The following RPL19 variants were observed in gnomAD, a reference collection of about 807,000 sequenced individuals.
RPL19 encodes ribosomal protein L19.
In RPL19, 2 loss-of-function variants were observed where a neutral mutation model predicts 25.1. The observed-to-expected ratio is 0.08, with a 90% confidence interval of 0.03 to 0.25. RPL19 has a LOEUF of 0.25. Among genes scored for constraint, RPL19 ranks in the 10% least tolerant of loss-of-function variants. The pLI, the probability that RPL19 is intolerant of heterozygous loss-of-function variation, is 1.00. For missense variants in RPL19, 123 were observed against 271.8 expected (o/e 0.45, Z 3.85); for synonymous variants, 89 against 91.2 (o/e 0.98, Z 0.14).
At chr17:39,203,726 C>T (rs529763514) in intron 4 of RPL19, among the ~76,000 whole-genome samples, 187 of 152,038 alleles carry the variant, frequency 1.2e-3, no homozygotes, top group African/African-American at 4.3e-3. Context: ...AGGCTGGTCT[C>T]GAACTCCTGG....
At chr17:39,201,059 G>A in intron 1 of RPL19, 154 bp from the exon 2 acceptor site, 1 of 603,916 alleles carries the variant, frequency 1.7e-6, no homozygotes, top group Non-Finnish European at 2.9e-6. Context: ...AACCCAAGGG[G>A]GCCAGCTGCA....
chr17:39,202,531 G>T (rs2046298484), intron 3 of RPL19, 92 bp downstream of exon 3: 3 of 1,488,018 alleles, frequency 2.0e-6, no homozygotes, highest in Admixed American at 3.5e-5. Flanking sequence ...CTCATCTTGA[G>T]CCTGTTTCTT....
intron 3 of RPL19, chr17:39,202,744 T>TAA: frequency 4.5e-6 from 2 of 439,714 alleles, no homozygotes; most frequent in Non-Finnish European, 8.2e-6. Flanking sequence ...CACTGCCTGT[T>TAA]ACACCCACAT....
Position 39,200,309 on chromosome 17 carries a change from A to G in RPL19, c.-36A>G. 2.6e-6 allele frequency: 4 copies of G among 1,536,784 alleles called. No individual in the cohort carries two copies. Among genetic ancestry groups the G allele is most frequent in the Non-Finnish European group, 3.5e-6 (4 of 1,141,496 alleles). Reference sequence around the variant, plus strand: ...CAGATAATGGGAGGAGCCGGGCCCGAGCGAGCTCTTTCCTTTCGCTGCTGC... The same window carrying G: ...CAGATAATGGGAGGAGCCGGGCCCGGGCGAGCTCTTTCCTTTCGCTGCTGC... On this transcript the variant is annotated 5_prime_UTR_variant, in exon 1 of 6. Transcript: ENST00000225430.
Position 39,204,560 on chromosome 17 carries a change from A to G in RPL19, c.503A>G (p.Glu168Gly). 1 of 1,614,188 alleles carries G rather than the reference A, an allele frequency of 6.2e-7. No homozygotes were observed. Among genetic ancestry groups the G allele is most frequent in the Non-Finnish European group, 8.5e-7 (1 of 1,180,036 alleles). ...GAGGCCCGCAGGTCTAAGACCAAGG[A>G]AGCACGCAAGCGCCGTGAAGAGCGC... ...QAEARRSKTK[E>G]ARKRREERLQ... The change falls in exon 6 of 6, where the codon GAA becomes GGA. Residue 168 changes from glutamate to glycine, a missense_variant. Coordinates refer to ENST00000225430, the MANE Select transcript of RPL19 (RefSeq NM_000981.4).
intron 1 of RPL19, chr17:39,200,626 A>AC: frequency 8.3e-7 from 1 of 1,208,664 alleles, no homozygotes; most frequent in Non-Finnish European, 1.0e-6. Flanking sequence ...AACGGAGCGA[A>AC]CAAGACCAAG....
chr17:39,204,468 T>G, intron 5 of RPL19, 57 bp from the exon 6 acceptor site: 1 of 1,600,638 alleles, frequency 6.2e-7, no homozygotes, highest in Non-Finnish European at 8.5e-7. Context: ...TGTGCTTCTG[T>G]CTCCCTAGCA....
chr17:39,202,411 C>T lies in RPL19; in HGVS notation c.207C>T (p.Ala69=), dbSNP rs1471149123. Residue 69 remains alanine, a synonymous_variant, in exon 3 of 6, where the codon GCC becomes GCT. Coordinates refer to ENST00000225430, the MANE Select transcript of RPL19 (RefSeq NM_000981.4). ...SRARCRKNTL[A]RRKGRHMGIG... ...CTCGATGCCGGAAAAACACCTTGGC[C>T]CGCCGGAAGGGCAGGCACATGGGCA... The T allele has an allele frequency of 6.2e-7, 1 of 1,614,234 alleles. No homozygotes were observed. Among genetic ancestry groups the T allele is most frequent in the East Asian group, 2.2e-5 (1 of 44,888 alleles).
At chr17:39,204,432 T>C (rs1009797358) in intron 5 of RPL19, 93 bp from the exon 6 acceptor site, 3 of 1,483,858 alleles carry the variant, frequency 2.0e-6, no homozygotes, top group Non-Finnish European at 2.8e-6. Flanking sequence ...AGAAGCTGAC[T>C]AGGCTCAAAG....
At chr17:39,202,006 G>C (rs934391124) in intron 2 of RPL19, among the ~76,000 whole-genome samples, 4 of 152,172 alleles carry the variant, frequency 2.6e-5, no homozygotes, top group Non-Finnish European at 4.4e-5. Context: ...ATGGTGGCAG[G>C]CATCTTTAAT....
intron 1 of RPL19, chr17:39,200,846 A>G (rs2046281573): frequency 2.4e-6 from 2 of 833,126 alleles, no homozygotes; most frequent in African/African-American, 1.8e-5. Context: ...ACAGGGAAAT[A>G]AGCCCAGAAA....
In RPL19 at chr17:39,204,064, G is replaced by A. The variant is rs1032576064; in HGVS notation, c.357-13G>A. On this transcript the variant is annotated splice_polypyrimidine_tract_variant and intron_variant, in intron 4 of 5. Coordinates refer to ENST00000225430, the MANE Select transcript of RPL19 (RefSeq NM_000981.4). ...TCACCAACCAGCATCTCTTCACTCC[G>A]TGTACCCTGCAGGTATCACAGCCTG... 1.9e-5 allele frequency: 29 copies of A among 1,494,016 alleles called. No individual in the cohort carries two copies. The highest frequency in any genetic ancestry group is 1.7e-4 in the Middle Eastern group (1 of 5,832). The allele number at this position is 1,494,016 out of a possible 1,614,324, so 92.5% of individuals were successfully genotyped here.
At chr17:39,200,486 G>A (rs1168868817) in intron 1 of RPL19, 137 bp downstream of exon 1, 13 of 1,317,882 alleles carry the variant, frequency 9.9e-6, no homozygotes, top group Admixed American at 3.8e-5. Flanking sequence ...GGGGTAGGCC[G>A]GAGCACTTTC....
chr17:39,200,376 C>A, intron 1 of RPL19, 27 bp downstream of exon 1: 1 of 1,554,008 alleles, frequency 6.4e-7, no homozygotes, highest in Non-Finnish European at 8.7e-7. Flanking sequence ...CTCCATCAGG[C>A]GCTGACGCGT....
At chr17:39,202,753 A>T (rs941041970) in intron 3 of RPL19, 1 of 607,072 alleles carries the variant, frequency 1.6e-6, no homozygotes. Context: ...TTACACCCAC[A>T]TTCTGCATGA....
rs116242385 is a variant in RPL19, at chr17:39,202,878, G to T, written c.236-111G>T. The T allele has an allele frequency of 1.2e-3, 1,406 of 1,189,816 alleles. 16 individuals are homozygous for T. The African/African-American group carries it at 0.019, about 16-fold the overall frequency. The allele number at this position is 1,189,816 out of a possible 1,614,324, so 73.7% of individuals were successfully genotyped here. On this transcript the variant is annotated intron_variant, in intron 3 of 5. Transcript: ENST00000225430. ...TGGAAGTAATGCTACTTAAAATGAG[G>T]TTGTGAGGATTAAATGAGTTAAGGA...
Position 39,201,446 on chromosome 17 carries a change from A to T in RPL19, c.112+127A>T, listed in dbSNP as rs1360745569. The T allele has an allele frequency of 4.8e-6, 3 of 630,326 alleles. No homozygotes were observed. The African/African-American group carries it at 5.7e-5, about 12-fold the overall frequency. The allele number at this position is 630,326 out of a possible 1,614,324, so 39.0% of individuals were successfully genotyped here. A position where few individuals can be genotyped will look rare whatever the true frequency, so the allele number is the denominator to read the frequency against. Reference sequence around the variant, plus strand: ...AGTCTTGCTCTGTTGTCCAGGCTGGAGTGTAGTGGTGCCATCTGATCATTG... The same window carrying T: ...AGTCTTGCTCTGTTGTCCAGGCTGGTGTGTAGTGGTGCCATCTGATCATTG... On this transcript the variant is annotated intron_variant, in intron 2 of 5. Coordinates refer to ENST00000225430, the MANE Select transcript of RPL19 (RefSeq NM_000981.4).
At chr17:39,203,226 G>C (rs2046303087) in intron 4 of RPL19, 117 bp downstream of exon 4, 1 of 1,117,202 alleles carries the variant, frequency 9.0e-7, no homozygotes, top group African/African-American at 1.8e-5. Context: ...CTGTCACCCA[G>C]GCTGGAGTGC....
At chr17:39,203,970 A>G (rs1354855971) in intron 4 of RPL19, 107 bp from the exon 5 acceptor site, 21 of 662,416 alleles carry the variant, frequency 3.2e-5, no homozygotes, top group Non-Finnish European at 5.0e-5. Flanking sequence ...GCAATAGGAG[A>G]AAAGAAAGGA....
Sources: allele counts gnomAD v4.1 joint callset (sites outside exome capture counted in the v4.1 genomes callset), GRCh38; gene constraint gnomAD v4.1.1; transcripts MANE v1.5; gene names NCBI Gene and HGNC (gene_info 2026-07-23, HGNC 2026-07-21).